TSHZ3: variants seen among roughly 807,000 people sequenced by gnomAD.
TSHZ3 encodes teashirt homolog 3.
Under a neutral mutation model 64.5 loss-of-function variants are expected in TSHZ3, and 10 were observed. The observed-to-expected ratio is 0.16, with a 90% CI of 0.10 to 0.26. The LOEUF is 0.26. Ranked by LOEUF, TSHZ3 falls within the 10% of genes least tolerant of loss-of-function variation. TSHZ3 has a pLI of 1.00. For missense variants in TSHZ3, 1,242 were observed against 1,421.7 expected (o/e 0.87, Z 2.03); for synonymous variants, 608 against 593.1 (o/e 1.03, Z -0.36).
chr19:31,179,240 G>A (rs1216502093), intron 5 of TSHZ3, among the ~76,000 whole-genome samples: 2 of 152,166 alleles, frequency 1.3e-5, no homozygotes, highest in East Asian at 3.9e-4. Flanking sequence ...GAAGGGCCAG[G>A]GAAGGAGCAG....
rs1319223885 is a variant in TSHZ3 at position 31,206,507 on chromosome 19, G to A, written n.687-1429C>T. The stretch of plus-strand genomic sequence containing the variant: ...AAAGTCCTTGGAAACACAAGTCCAG[G>A]CCTGCAAAATCCTTGGGCTGCTTCA... On this transcript the variant is annotated intron_variant and non_coding_transcript_variant, in intron 4 of 6. Coordinates refer to the TSHZ3 transcript ENST00000651361. Among the ~76,000 whole-genome samples, 3 of 152,136 alleles carry A rather than the reference G, an allele frequency of 2.0e-5. No homozygotes were observed. The East Asian group carries it at 5.8e-4, about 29-fold the overall frequency.
intron 1 of TSHZ3, among the ~76,000 whole-genome samples, chr19:31,266,990 C>T (rs150753780): frequency 1.2e-4 from 19 of 152,220 alleles, no homozygotes; most frequent in Admixed American, 1.1e-3. Context: ...GGCCGGCCCA[C>T]TTCAAGTTTC....
intron 4 of TSHZ3, among the ~76,000 whole-genome samples, chr19:31,227,971 G>A (rs1323639670): frequency 6.6e-6 from 1 of 152,004 alleles, no homozygotes. Context: ...CATCCACACG[G>A]ACCCCCAACA....
intron 1 of TSHZ3, chr19:31,308,452 G>A (rs1490396507): frequency 1.3e-5 from 5 of 390,142 alleles, no homozygotes; most frequent in Middle Eastern, 6.3e-4. Context: ...CGGTGTCATC[G>A]CCAGGGAGCC....
chr19:31,158,747 G>A (rs985614659), intron 5 of TSHZ3, among the ~76,000 whole-genome samples: 2 of 152,152 alleles, frequency 1.3e-5, no homozygotes, highest in African/African-American at 2.4e-5. Flanking sequence ...GCCCCATATG[G>A]GGATGATGGA....
chr19:31,298,750 G>A (rs1345768071), intron 1 of TSHZ3, among the ~76,000 whole-genome samples: 1 of 152,086 alleles, frequency 6.6e-6, no homozygotes, highest in Non-Finnish European at 1.5e-5. Flanking sequence ...CAGAGAATAG[G>A]GGATGAGGAC....
intron 3 of TSHZ3, among the ~76,000 whole-genome samples, chr19:31,231,749 AACCGGAGCTT>A (rs1420666467): frequency 6.6e-6 from 1 of 152,194 alleles, no homozygotes; most frequent in Non-Finnish European, 1.5e-5. Context: ...ACATAACTCC[AACCGGAGCTT>A]ACGGATCCTA....
chr19:31,328,375 C>T (rs951314200), intron 1 of TSHZ3, among the ~76,000 whole-genome samples: 2 of 152,248 alleles, frequency 1.3e-5, no homozygotes, highest in Non-Finnish European at 2.9e-5. Flanking sequence ...CTGCGGGCCA[C>T]GTTGGCACCT....
intron 5 of TSHZ3, among the ~76,000 whole-genome samples, chr19:31,201,709 C>T (rs1023705152): frequency 2.6e-5 from 4 of 152,186 alleles, no homozygotes; most frequent in Non-Finnish European, 5.9e-5. Context: ...GGAAGAGCGG[C>T]TTCCCTCTTC....
At chr19:31,262,895 C>T (rs1479038053) in intron 1 of TSHZ3, among the ~76,000 whole-genome samples, 1 of 152,190 alleles carries the variant, frequency 6.6e-6, no homozygotes, top group Non-Finnish European at 1.5e-5. Flanking sequence ...GAATAGTTAA[C>T]TCGGACAAGA....
intron 5 of TSHZ3, among the ~76,000 whole-genome samples, chr19:31,179,652 ATGG>A (rs1974670687): frequency 1.3e-5 from 2 of 150,304 alleles, no homozygotes; most frequent in African/African-American, 2.4e-5. Flanking sequence ...GGTGTTTGTG[ATGG>A]TGGCAATGAT....
At chr19:31,343,740 T>C (rs1917500482) in intron 1 of TSHZ3, among the ~76,000 whole-genome samples, 1 of 151,788 alleles carries the variant, frequency 6.6e-6, no homozygotes, top group South Asian at 2.1e-4. Flanking sequence ...TAAGAAAAGC[T>C]ACCAAGTCTA....
chr19:31,261,435 G>C (rs1474557395), intron 1 of TSHZ3, among the ~76,000 whole-genome samples: 1 of 152,184 alleles, frequency 6.6e-6, no homozygotes, highest in African/African-American at 2.4e-5. Flanking sequence ...TCTCTCCCAA[G>C]GAAGGAATAA....
intron 1 of TSHZ3, among the ~76,000 whole-genome samples, chr19:31,303,305 C>A (rs1377787055): frequency 6.6e-6 from 1 of 152,198 alleles, no homozygotes; most frequent in African/African-American, 2.4e-5. Flanking sequence ...CCTTTCTCCA[C>A]TACGCTAAGG....
intron 6 of TSHZ3, among the ~76,000 whole-genome samples, chr19:31,152,283 CGTGTGTGT>C (rs3064806): frequency 6.8e-6 from 1 of 147,298 alleles, no homozygotes; most frequent in Non-Finnish European, 1.5e-5. Context: ...TATATGTGAG[CGTGTGTGT>C]GTGTGTGTGT....
At chr19:31,175,774 C>A (rs1242182667) in intron 5 of TSHZ3, among the ~76,000 whole-genome samples, 2 of 152,226 alleles carry the variant, frequency 1.3e-5, no homozygotes, top group African/African-American at 4.8e-5. Context: ...GCCAGTGGGG[C>A]CCTGGCCAGG....
At chr19:31,156,786 G>T (rs1290260231) in intron 5 of TSHZ3, among the ~76,000 whole-genome samples, 1 of 152,066 alleles carries the variant, frequency 6.6e-6, no homozygotes, top group Non-Finnish European at 1.5e-5. Context: ...TTTATCCTTT[G>T]AATAAGTGTC....
chr19:31,213,356 CAAAAAAAAAAAAAAAAAAAAA>C (rs35192337), intron 4 of TSHZ3, among the ~76,000 whole-genome samples: 1 of 23,286 alleles, frequency 4.3e-5, no homozygotes, highest in African/African-American at 1.5e-4. Context: ...GACTCTGTCT[CAAAAAAAAAAAAAAAAAAAAA>C]AAAAAAAAAA....
Position 31,277,520 on chromosome 19 carries a change from G to T in TSHZ3, c.2273C>A (p.Ala758Glu). The T allele has an allele frequency of 6.2e-7, 1 of 1,604,444 alleles. No individual in the cohort carries two copies. The highest frequency in any genetic ancestry group is 8.5e-7 in the Non-Finnish European group (1 of 1,174,038). The change falls in exon 2 of 2, where the codon GCG (alanine) becomes GAG (glutamate). Residue 758 changes from alanine (A) to glutamate (E), a missense_variant. Ala to Glu is a moderately radical substitution (Grantham distance 107, BLOSUM62 -1). Transcript: ENST00000240587. This position sits in a 1 kb window ranked among gnomAD's most constrained non-coding sequence, Gnocchi z 4.5. ...CGGGGTGGCCACAGCAGCCTTCTCC[G>T]CCAGGCTGTTGCTCATCTTGAAAAG... ...SMLFKMSNSL[A>E]EKAAVATPPP...
Sources: allele counts gnomAD v4.1 joint callset (sites outside exome capture counted in the v4.1 genomes callset), GRCh38; gene constraint gnomAD v4.1.1; non-coding constraint Gnocchi (gnomAD v3.1); transcripts MANE v1.5; gene names NCBI Gene and HGNC (gene_info 2026-07-23, HGNC 2026-07-21).